SLC25A26: variants seen among roughly 807,000 people sequenced by gnomAD.
SLC25A26 encodes mitochondrial S-adenosylmethionine carrier protein.
Under a neutral mutation model 37.8 loss-of-function variants are expected in SLC25A26, and 36 were observed. The ratio of observed to expected loss-of-function variants is 0.95; its 90% CI spans 0.73 to 1.26. The LOEUF (loss-of-function observed/expected upper bound fraction) is 1.26, where lower values mean the gene tolerates loss of function less well. Ranked by LOEUF, SLC25A26 falls within the 50% of genes most tolerant of loss-of-function variation. The pLI, the probability that SLC25A26 is intolerant of heterozygous loss-of-function variation, is 0.00. For synonymous variants in SLC25A26, 129 were observed against 122.5 expected, an observed-to-expected ratio of 1.05 and a Z score of -0.35; for missense variants, 390 against 331.1, an observed-to-expected ratio of 1.18 and a Z score of -1.38.
chr3:66,149,594 A>T (rs914381757), intron 1 of SLC25A26, among the ~76,000 whole-genome samples: 2 of 152,230 alleles, frequency 1.3e-5, no homozygotes, highest in Non-Finnish European at 2.9e-5. Context: ...TATTCCTATA[A>T]TAACCCTTAG....
chr3:66,157,833 G>T (rs942031909), intron 1 of SLC25A26, among the ~76,000 whole-genome samples: 5 of 152,282 alleles, frequency 3.3e-5, no homozygotes, highest in African/African-American at 1.2e-4. Flanking sequence ...CTGTTGTCCA[G>T]GCTGGAGTGC....
At chr3:66,203,001 G>T (rs2071129959) in intron 1 of SLC25A26, among the ~76,000 whole-genome samples, 1 of 152,108 alleles carries the variant, frequency 6.6e-6, no homozygotes, top group Non-Finnish European at 1.5e-5. Context: ...AAATGGTTAA[G>T]TTTTATAATA....
intron 1 of SLC25A26, among the ~76,000 whole-genome samples, chr3:66,209,044 A>ATATG (rs2071229146): frequency 9.2e-5 from 1 of 10,852 alleles, no homozygotes; most frequent in Non-Finnish European, 1.8e-4. Flanking sequence ...AAAGGTGTAT[A>ATATG]TATATATATA....
At chr3:66,318,257 C>T (rs1559693581) in intron 5 of SLC25A26, among the ~76,000 whole-genome samples, 1 of 152,196 alleles carries the variant, frequency 6.6e-6, no homozygotes, top group Non-Finnish European at 1.5e-5. Flanking sequence ...TGAGCAGCTG[C>T]CGTGATTCTG....
intron 9 of SLC25A26, 95 bp from the exon 10 acceptor site, chr3:66,377,595 G>A (rs959493604): frequency 2.2e-6 from 2 of 909,898 alleles, no homozygotes; most frequent in East Asian, 2.4e-5. Flanking sequence ...AGCCACTAAT[G>A]AGCATGGTGT....
intron 5 of SLC25A26, among the ~76,000 whole-genome samples, chr3:66,297,229 G>A (rs958084999): frequency 6.6e-6 from 1 of 151,640 alleles, no homozygotes; most frequent in African/African-American, 2.4e-5. Flanking sequence ...TCGGGAGGCT[G>A]AGGCAGGAGA....
At chr3:66,176,382 A>G (rs1244648890) in intron 1 of SLC25A26, among the ~76,000 whole-genome samples, 2 of 152,208 alleles carry the variant, frequency 1.3e-5, no homozygotes, top group Non-Finnish European at 2.9e-5. Context: ...GGGAAAACAC[A>G]GAGGAAGTGT....
At chr3:66,326,140 A>G (rs762192641) in intron 5 of SLC25A26, among the ~76,000 whole-genome samples, 16 of 152,206 alleles carry the variant, frequency 1.1e-4, no homozygotes, top group Non-Finnish European at 1.6e-4. Flanking sequence ...GGCTGAGCTC[A>G]GGAACCCAGG....
intron 6 of SLC25A26, among the ~76,000 whole-genome samples, chr3:66,359,169 A>T (rs528162574): frequency 6.6e-6 from 1 of 152,198 alleles, no homozygotes; most frequent in Admixed American, 6.5e-5. Context: ...CAGCCATCTG[A>T]GTCTATTTGG....
chr3:66,354,971 C>T (rs1466952096), intron 6 of SLC25A26, among the ~76,000 whole-genome samples: 1 of 152,102 alleles, frequency 6.6e-6, no homozygotes, highest in African/African-American at 2.4e-5. Flanking sequence ...TTCTTTTGTA[C>T]ATTGCCCAGT....
At chr3:66,297,012 G>A (rs1375402608) in intron 5 of SLC25A26, among the ~76,000 whole-genome samples, 13 of 152,202 alleles carry the variant, frequency 8.5e-5, no homozygotes, top group Non-Finnish European at 1.2e-4. Context: ...CCATTTATAA[G>A]TAATAATAAG....
intron 3 of SLC25A26, among the ~76,000 whole-genome samples, chr3:66,249,799 T>A (rs2073008089): frequency 6.6e-6 from 1 of 152,184 alleles, no homozygotes; most frequent in African/African-American, 2.4e-5. Flanking sequence ...ATGTAGCTGA[T>A]GATGGCAATT....
In SLC25A26 at chr3:66,377,692, T is replaced by C; in HGVS notation, c.710T>C (p.Leu237Ser). The part of the protein sequence containing the change: ...GVWRSQGLAG[L>S]FAGVFPRMAA... The stretch of plus-strand genomic sequence containing the variant: ...AAAAATCCTGTTTTTTCCCCTAGAT[T>C]ATTTGCAGGTGTCTTCCCTCGAATG... The change falls in exon 10 of 10, where the codon TTA (leucine) becomes TCA (serine). Residue 237 changes from leucine (L) to serine (S), a missense_variant and splice_region_variant. By Grantham distance (145) the Leu-to-Ser change is moderately radical. Coordinates refer to ENST00000354883, the MANE Select transcript of SLC25A26 (RefSeq NM_001379210.1). 6.2e-7 allele frequency: 1 copy of C among 1,612,344 alleles called. No individual in the cohort carries two copies. Among genetic ancestry groups the C allele is most frequent in the Non-Finnish European group, 8.5e-7 (1 of 1,178,572 alleles).
At chr3:66,320,311 C>G (rs1160522714) in intron 5 of SLC25A26, among the ~76,000 whole-genome samples, 4 of 152,130 alleles carry the variant, frequency 2.6e-5, no homozygotes, top group Non-Finnish European at 5.9e-5. Context: ...CTTTATGTCT[C>G]TGTGATTTTG....
At chr3:66,344,705 A>G (rs769652564) in intron 5 of SLC25A26, among the ~76,000 whole-genome samples, 3 of 152,226 alleles carry the variant, frequency 2.0e-5, no homozygotes, top group Non-Finnish European at 4.4e-5. Flanking sequence ...ACTGGACATT[A>G]CTTCAGCTGC....
At chr3:66,187,793 T>A (rs2070859240) in intron 1 of SLC25A26, among the ~76,000 whole-genome samples, 1 of 151,496 alleles carries the variant, frequency 6.6e-6, no homozygotes, top group Non-Finnish European at 1.5e-5. Context: ...TCATGGCCCT[T>A]ATGCTGACCC....
chr3:66,332,620 C>T (rs1202259347), intron 5 of SLC25A26, among the ~76,000 whole-genome samples: 1 of 152,104 alleles, frequency 6.6e-6, no homozygotes, highest in Non-Finnish European at 1.5e-5. Context: ...CTGTGTTTCC[C>T]AGGCTGGTCT....
chr3:66,208,083 T>C (rs1366217217), intron 1 of SLC25A26, among the ~76,000 whole-genome samples: 8 of 152,198 alleles, frequency 5.3e-5, no homozygotes, highest in Non-Finnish European at 1.2e-4. Context: ...TGACTCCATT[T>C]CCAAGCGATT....
chr3:66,308,448 C>T (rs113113611), intron 5 of SLC25A26, among the ~76,000 whole-genome samples: 128 of 152,238 alleles, frequency 8.4e-4, no homozygotes, highest in African/African-American at 2.4e-3. Context: ...TAACTGCAAA[C>T]GGAGAGAATT....
Sources: gnomAD v4.1 joint callset for allele counts (sites outside exome capture counted in the v4.1 genomes callset) on GRCh38, gnomAD v4.1.1 for gene constraint, MANE v1.5 for transcripts, NCBI Gene and HGNC (gene_info 2026-07-23, HGNC 2026-07-21) for gene names.